Variants in TEDC2 observed in about 807,000 individuals in gnomAD.
TEDC2 encodes tubulin epsilon and delta complex 2, also known as tubulin epsilon and delta complex protein 2.
A neutral mutation model predicts 48.1 loss-of-function variants in TEDC2; 49 were observed. The ratio of observed to expected loss-of-function variants is 1.02; its 90% CI spans 0.81 to 1.29. The LOEUF is 1.29. TEDC2 is among the 50% of genes most tolerant of loss of function. TEDC2 has a pLI of 0.00. For synonymous variants in TEDC2, 299 were observed against 247.1 expected (o/e 1.21, Z -1.97); for missense variants, 631 against 571.4 (o/e 1.10, Z -1.06).
rs1183160595 is a variant in TEDC2 at position 2,460,711 on chromosome 16, G to A, written c.196+18G>A. ...CCTTCCAGGTAAACCTCCACCACCC[G>A]CCTTCTCCAGGTGCTGCTCTGGCCT... On this transcript the variant is annotated intron_variant, in intron 3 of 9. Transcript: ENST00000361837. The A allele has an allele frequency of 6.8e-6, 11 of 1,612,904 alleles. No individual in the cohort carries two copies. Among genetic ancestry groups the A allele is most frequent in the South Asian group, 1.1e-5 (1 of 91,072 alleles).
chr16:2,463,444 T>C (rs1232335494), intron 8 of TEDC2, among the ~76,000 whole-genome samples: 3 of 151,980 alleles, frequency 2.0e-5, no homozygotes, highest in Non-Finnish European at 2.9e-5. Flanking sequence ...CTGGCCGACA[T>C]GACGAAAGCC....
chr16:2,461,259 G>T, intron 4 of TEDC2, 35 bp downstream of exon 4: 1 of 1,440,536 alleles, frequency 6.9e-7, no homozygotes, highest in Non-Finnish European at 9.1e-7. Context: ...AGGGACTTCT[G>T]TCTCTGCCTC....
In TEDC2 at chr16:2,462,198, G is replaced by A. The variant is rs2065471069; in HGVS notation, c.709G>A (p.Ala237Thr). The change falls in exon 6 of 10, where the codon GCC becomes ACC. Residue 237 changes from alanine (A) to threonine (T), a missense_variant. By Grantham distance (58) the Ala-to-Thr change is moderately conservative. Transcript: ENST00000361837. ...STQTSDSTDA[A>T]AAKTQFLQNM... ...ACAGACCAGTGATTCCACGGATGCC[G>A]CCGCTGCCAAAACCCAGTTCCTCCA... is the stretch of plus-strand genomic sequence containing the variant. 4 of 1,613,382 alleles carry A rather than the reference G, an allele frequency of 2.5e-6. No individual in the cohort carries two copies. Among genetic ancestry groups the A allele is most frequent in the East Asian group, 2.2e-5 (1 of 44,880 alleles).
intron 5 of TEDC2, 46 bp from the exon 6 acceptor site, chr16:2,462,103 C>A: frequency 4.4e-6 from 7 of 1,585,292 alleles, no homozygotes; most frequent in South Asian, 1.1e-5. Context: ...CTGGAATAAC[C>A]GTGTCCCTCT....
intron 8 of TEDC2, 119 bp downstream of exon 8, chr16:2,462,851 T>C (rs2065475597): frequency 1.1e-6 from 1 of 951,096 alleles, no homozygotes; most frequent in Non-Finnish European, 1.5e-6. Flanking sequence ...AGATGCAAGT[T>C]GGTGGGCCCC....
chr16:2,462,607 C>T (rs954872789), intron 7 of TEDC2, 24 bp from the exon 8 acceptor site: 17 of 1,537,042 alleles, frequency 1.1e-5, no homozygotes, highest in Non-Finnish European at 1.5e-5. Context: ...CGGGCCCCAC[C>T]TGCTCTCCCT....
At chr16:2,464,383 G>A in intron 9 of TEDC2, 139 bp from the exon 10 acceptor site, 1 of 1,318,340 alleles carries the variant, frequency 7.6e-7, no homozygotes, top group Non-Finnish European at 1.0e-6. Flanking sequence ...GGGTCAGACG[G>A]GGCTGGGACG....
At chr16:2,462,037 C>A in intron 5 of TEDC2, 112 bp from the exon 6 acceptor site, 1 of 1,263,360 alleles carries the variant, frequency 7.9e-7, no homozygotes, top group Non-Finnish European at 1.1e-6. Context: ...AGCCAGACGC[C>A]CAGCCTGGGG....
Position 2,464,022 on chromosome 16 carries a change from T to G in TEDC2, c.965-17T>G, listed in dbSNP as rs369572179. 8.1e-5 allele frequency: 129 copies of G among 1,597,764 alleles called. No homozygotes were observed. The highest frequency in any genetic ancestry group is 1.7e-4 in the Middle Eastern group (1 of 5,852). On this transcript the variant is annotated splice_polypyrimidine_tract_variant and intron_variant, in intron 8 of 9. Coordinates refer to ENST00000361837, the MANE Select transcript of TEDC2 (RefSeq NM_025108.3). ...TTCGGCTGCTACCCCAAAGGCCACATTCTCCTGTGCACACAGCGGTGGCGG... is the reference window on the plus strand; with the variant it reads ...TTCGGCTGCTACCCCAAAGGCCACAGTCTCCTGTGCACACAGCGGTGGCGG...
intron 5 of TEDC2, 44 bp downstream of exon 5, chr16:2,461,844 G>A: frequency 6.2e-7 from 1 of 1,608,446 alleles, no homozygotes; most frequent in Non-Finnish European, 8.5e-7. Flanking sequence ...GGGAGAACCG[G>A]GAGGCATCAC....
chr16:2,464,263 A>G (rs770210042), intron 9 of TEDC2, 34 bp downstream of exon 9: 3 of 1,599,554 alleles, frequency 1.9e-6, no homozygotes, highest in East Asian at 2.3e-5. Context: ...GGTGCAACAG[A>G]GGTCCGCAGC....
At chr16:2,460,746 C>T (rs2065461140) in intron 3 of TEDC2, 53 bp downstream of exon 3, 1 of 1,611,924 alleles carries the variant, frequency 6.2e-7, no homozygotes, top group Non-Finnish European at 8.5e-7. Context: ...TGTCTGCTGG[C>T]GTGCAGTTGT....
At position 2,461,753 on chromosome 16, in the gene TEDC2, G is replaced by C; in HGVS notation, c.612G>C (p.Leu204=). 6.2e-7 allele frequency: 1 copy of C among 1,613,268 alleles called. No homozygotes were observed. The highest frequency in any genetic ancestry group is 1.1e-5 in the South Asian group (1 of 91,082). Reference sequence around the variant, plus strand: ...ACACGGGCTTCTCCGACAGGCACCTGCTGCGGCTGCCTGCGGCATTCAGGA... The same window carrying C: ...ACACGGGCTTCTCCGACAGGCACCTCCTGCGGCTGCCTGCGGCATTCAGGA... ...EAFTLKEKGH[L]LRLPAAFRKA... Residue 204 remains leucine, a synonymous_variant, in exon 5 of 10, where the codon CTG becomes CTC. Coordinates refer to ENST00000361837, the MANE Select transcript of TEDC2 (RefSeq NM_025108.3).
intron 8 of TEDC2, among the ~76,000 whole-genome samples, chr16:2,463,522 G>C (rs1290392461): frequency 1.3e-5 from 2 of 151,816 alleles, no homozygotes; most frequent in African/African-American, 4.8e-5. Context: ...AGCTACTTGG[G>C]AGGCTGAGGC....
rs1463949443 is a variant in TEDC2 at position 2,460,332 on chromosome 16, T to C, written c.76T>C (p.Leu26=). Residue 26 remains leucine (L), a synonymous_variant, in exon 2 of 10, where the codon TTG becomes CTG. Transcript: ENST00000361837. The stretch of plus-strand genomic sequence containing the variant: ...CCTGGACGCCTGCGCACAGCGACAA[T>C]TGCAATTGGAGCAGAGCCTGCGCGT... ...GALDACAQRQ[L]QLEQSLRVCR... 3.9e-6 allele frequency: 6 copies of C among 1,540,506 alleles called. No individual in the cohort carries two copies. In the Admixed American group the frequency reaches 7.9e-5, roughly 20 times the overall value.
At chr16:2,462,378 CT>C in intron 6 of TEDC2, 36 bp from the exon 7 acceptor site, 1 of 1,609,220 alleles carries the variant, frequency 6.2e-7, no homozygotes. Flanking sequence ...AGCAGAGGGG[CT>C]TTGGCTGCAG....
intron 8 of TEDC2, 108 bp from the exon 9 acceptor site, chr16:2,463,931 C>T: frequency 2.4e-6 from 3 of 1,250,908 alleles, no homozygotes; most frequent in Admixed American, 4.9e-5. Flanking sequence ...CCACCTTTCT[C>T]CTAAAGGCAG....
intron 8 of TEDC2, chr16:2,463,833 G>C: frequency 1.8e-6 from 1 of 562,072 alleles, no homozygotes; most frequent in Non-Finnish European, 3.1e-6. Flanking sequence ...AAAGAAATTA[G>C]GCAGGCAGAG....
chr16:2,460,747 G>T, intron 3 of TEDC2, 54 bp downstream of exon 3: 1 of 1,612,076 alleles, frequency 6.2e-7, no homozygotes, highest in Admixed American at 1.7e-5. Flanking sequence ...GTCTGCTGGC[G>T]TGCAGTTGTG....
Sources: gnomAD v4.1 joint callset for allele counts (sites outside exome capture counted in the v4.1 genomes callset) on GRCh38, gnomAD v4.1.1 for gene constraint, MANE v1.5 for transcripts, NCBI Gene and HGNC (gene_info 2026-07-23, HGNC 2026-07-21) for gene names.